RCAN2: variants seen among roughly 807,000 people sequenced by gnomAD.
RCAN2 encodes the protein calcipressin-2.
Under a neutral mutation model 23.6 loss-of-function variants are expected in RCAN2, and 9 were observed. That is an observed-to-expected ratio of 0.38 (90% CI 0.23 to 0.67). The LOEUF is 0.67. Ranked by LOEUF, RCAN2 falls within the 30% of genes least tolerant of loss-of-function variation. The pLI, the probability that RCAN2 is intolerant of heterozygous loss-of-function variation, is 0.51. For missense variants in RCAN2, 273 were observed against 302.3 expected, an observed-to-expected ratio of 0.90 and a Z score of 0.72; for synonymous variants, 109 against 115.7, an observed-to-expected ratio of 0.94 and a Z score of 0.37.
At chr6:46,438,651 TAGAAAAAATATTCC>T (rs1254450409) in intron 2 of RCAN2, 1 of 152,202 alleles carries the variant, frequency 6.6e-6, no homozygotes. Context: ...TGATAAAATA[TAGAAAAAATATTCC>T]AGAGCCTTCA....
intron 1 of RCAN2, among the ~76,000 whole-genome samples, chr6:46,488,688 C>G (rs1646037749): frequency 6.6e-6 from 1 of 152,162 alleles, no homozygotes; most frequent in Admixed American, 6.5e-5. Context: ...CCATCTTTCT[C>G]AAGTCTCCTC....
At chr6:46,255,913 G>A (rs1344507295) in intron 2 of RCAN2, among the ~76,000 whole-genome samples, 4 of 152,182 alleles carry the variant, frequency 2.6e-5, no homozygotes, top group African/African-American at 9.7e-5. Flanking sequence ...TAGGGAACTG[G>A]AGAATAATCT....
At position 46,463,711 on chromosome 6, in the gene RCAN2, C is replaced by T. The variant is rs1435666826; in HGVS notation, c.-2-6733G>A. ...AGAGTTTAAATCTTAAATTTGGATG[C>T]TCATAAATAACCTGTCTCTATTTTT... On this transcript the variant is annotated intron_variant, in intron 1 of 4. Transcript: ENST00000371374. 5.9e-5 allele frequency among the ~76,000 whole-genome samples: 9 copies of T among 152,256 alleles called. No homozygotes were observed. The South Asian group carries it at 1.9e-3, about 32-fold the overall frequency.
At chr6:46,225,483 T>G (rs1422643586) in intron 4 of RCAN2, among the ~76,000 whole-genome samples, 1 of 152,216 alleles carries the variant, frequency 6.6e-6, no homozygotes, top group East Asian at 1.9e-4. Context: ...TTCTAACTGG[T>G]GTGAGATGGT....
Position 46,456,878 on chromosome 6 carries a change from CCT to C in RCAN2, c.97_98del (p.Arg33GlyfsTer18). 1 of 1,550,598 alleles carries C rather than the reference CCT, an allele frequency of 6.4e-7. No individual in the cohort carries two copies. Among genetic ancestry groups the C allele is most frequent in the Non-Finnish European group, 8.7e-7 (1 of 1,146,986 alleles). On this transcript the variant is annotated frameshift_variant, in exon 2 of 5. Coordinates refer to ENST00000371374, the MANE Select transcript of RCAN2 (RefSeq NM_001251974.2). LOFTEE classifies it high-confidence loss of function. ...CAAAACAACGAGTGACAGCCCAGTC[CCT>C]GTCTATGCAGCACAGTAAGAAAAGT... The part of the protein sequence containing the change: ...GGLFLLCCID[R>X]DWAVTRCFAE...
intron 2 of RCAN2, among the ~76,000 whole-genome samples, chr6:46,281,940 G>A (rs1762194750): frequency 6.6e-6 from 1 of 152,116 alleles, no homozygotes; most frequent in Non-Finnish European, 1.5e-5. Context: ...TAACCACTGT[G>A]CAAATCTGCC....
intron 2 of RCAN2, among the ~76,000 whole-genome samples, chr6:46,347,146 A>T (rs761129378): frequency 6.6e-6 from 1 of 152,200 alleles, no homozygotes; most frequent in Non-Finnish European, 1.5e-5. Context: ...AAGTGCTGGG[A>T]TTACAGGCAT....
rs1023177056 is a variant in RCAN2 at position 46,264,108 on chromosome 6, T to C, written c.226-15212A>G. ...CTGAAAGAAGTAGAAAATGTACTTC[T>C]AAAAACAAGCAGTGTTCTACCTTCT... On this transcript the variant is annotated intron_variant, in intron 2 of 4. Coordinates refer to ENST00000371374, the MANE Select transcript of RCAN2 (RefSeq NM_001251974.2). Among the ~76,000 whole-genome samples the C allele has an allele frequency of 5.9e-5, 9 of 152,328 alleles. No homozygotes were observed. In the South Asian group the frequency reaches 8.3e-4, roughly 14 times the overall value.
intron 2 of RCAN2, among the ~76,000 whole-genome samples, chr6:46,343,828 G>A (rs1764405926): frequency 6.6e-6 from 1 of 152,028 alleles, no homozygotes. Flanking sequence ...TATTATAATG[G>A]CCAAAAAATG....
chr6:46,468,029 A>G (rs1260931437), intron 1 of RCAN2, among the ~76,000 whole-genome samples: 3 of 152,222 alleles, frequency 2.0e-5, no homozygotes, highest in Non-Finnish European at 4.4e-5. Flanking sequence ...ACTAGGCCTC[A>G]GTTTCCACAG....
Position 46,223,258 on chromosome 6 carries a change from A to C in RCAN2, c.615T>G (p.Ser205Arg). 1.2e-6 allele frequency: 2 copies of C among 1,613,958 alleles called. No individual in the cohort carries two copies. The highest frequency in any genetic ancestry group is 1.7e-6 in the Non-Finnish European group (2 of 1,179,918). Residue 205 changes from serine to arginine, a missense_variant, in exon 5 of 5, where the codon AGT becomes AGG. Coordinates refer to ENST00000371374, the MANE Select transcript of RCAN2 (RefSeq NM_001251974.2). ...CACTGTCGCACACGTGCACGACGACACTTGGGGTGGACTCAGTCCCTGCAT... is the reference window on the plus strand; with the variant it reads ...CACTGTCGCACACGTGCACGACGACCCTTGGGGTGGACTCAGTCCCTGCAT... ...ELHAGTESTP[S>R]VVVHVCDSDI... is the part of the protein sequence containing the mutation.
intron 2 of RCAN2, among the ~76,000 whole-genome samples, chr6:46,431,202 T>TA (rs11335520): frequency 7.7e-4 from 116 of 150,114 alleles, no homozygotes; most frequent in Middle Eastern, 3.5e-3. Context: ...TTTGTATTTT[T>TA]AAAAAAAAAA....
chr6:46,449,315 G>T (rs1767806312), intron 2 of RCAN2, among the ~76,000 whole-genome samples: 2 of 151,324 alleles, frequency 1.3e-5, no homozygotes, highest in East Asian at 1.9e-4. Context: ...CATAATGAAG[G>T]AATCTGAAGA....
intron 2 of RCAN2, among the ~76,000 whole-genome samples, chr6:46,328,845 A>C (rs1010144815): frequency 2.0e-4 from 30 of 152,156 alleles, no homozygotes; most frequent in African/African-American, 7.2e-4. Context: ...TCTTGACCTC[A>C]TGATCCGCCC....
chr6:46,452,626 C>G lies in RCAN2; in HGVS notation c.225+4126G>C, dbSNP rs9472750. 4.7e-4 allele frequency among the ~76,000 whole-genome samples: 72 copies of G among 152,168 alleles called. 1 individual carries two copies. In the East Asian group the frequency reaches 0.012, roughly 25 times the overall value. On this transcript the variant is annotated intron_variant, in intron 2 of 4. Transcript: ENST00000371374. ...TTGGGTAGAAACAGCCAGTAGGGTCCAGGGAATACAATCCTGACACGCACC... is the reference window on the plus strand; with the variant it reads ...TTGGGTAGAAACAGCCAGTAGGGTCGAGGGAATACAATCCTGACACGCACC...
At chr6:46,469,307 G>A (rs1272846797) in intron 1 of RCAN2, among the ~76,000 whole-genome samples, 5 of 152,154 alleles carry the variant, frequency 3.3e-5, no homozygotes, top group Admixed American at 2.0e-4. Context: ...ACAAGAAAGA[G>A]CTGACCCAGA....
intron 2 of RCAN2, among the ~76,000 whole-genome samples, chr6:46,416,196 A>C (rs1766711774): frequency 6.6e-6 from 1 of 151,984 alleles, no homozygotes; most frequent in South Asian, 2.1e-4. Context: ...ATAAAGAATA[A>C]ATCGATTAAG....
chr6:46,405,485 A>G (rs1004906537), intron 2 of RCAN2, among the ~76,000 whole-genome samples: 4 of 152,100 alleles, frequency 2.6e-5, no homozygotes, highest in African/African-American at 9.7e-5. Flanking sequence ...CTTGAGCTAG[A>G]TATAAAGGTT....
At chr6:46,359,752 C>T (rs1764945484) in intron 2 of RCAN2, among the ~76,000 whole-genome samples, 2 of 152,118 alleles carry the variant, frequency 1.3e-5, no homozygotes, top group Admixed American at 1.3e-4. Flanking sequence ...CGAATATTAA[C>T]ATGTATTAAG....
Sources: gnomAD v4.1 joint callset for allele counts (sites outside exome capture counted in the v4.1 genomes callset) on GRCh38, gnomAD v4.1.1 for gene constraint, MANE v1.5 for transcripts, NCBI Gene and HGNC (gene_info 2026-07-23, HGNC 2026-07-21) for gene names.